MTCL1: variants seen among roughly 807,000 people sequenced by gnomAD.
MTCL1 encodes the protein microtubule cross-linking factor 1.
In MTCL1, 79 loss-of-function variants were observed where a neutral mutation model predicts 141.4. The observed-to-expected ratio is 0.56, with a 90% confidence interval of 0.47 to 0.67. MTCL1 has a LOEUF of 0.67. Among genes scored for constraint, MTCL1 ranks in the 30% least tolerant of loss-of-function variants. MTCL1 has a pLI of 0.00. For missense variants in MTCL1, 2,177 were observed against 2,113.9 expected (o/e 1.03, Z -0.59); for synonymous variants, 914 against 875.8 (o/e 1.04, Z -0.77).
intron 4 of MTCL1, among the ~76,000 whole-genome samples, chr18:8,745,961 T>C (rs77048243): frequency 0.068 from 10,372 of 152,246 alleles, 640 homozygotes; most frequent in East Asian, 0.17. Flanking sequence ...CTATTCTGTG[T>C]ACCTCATATA....
At chr18:8,739,452 A>T (rs577743878) in intron 4 of MTCL1, among the ~76,000 whole-genome samples, 1 of 152,166 alleles carries the variant, frequency 6.6e-6, no homozygotes, top group Non-Finnish European at 1.5e-5. Flanking sequence ...GTTCCTGTGC[A>T]TATCTGCAGT....
intron 4 of MTCL1, among the ~76,000 whole-genome samples, chr18:8,726,494 A>AGC (rs1158741379): frequency 0.023 from 2,919 of 128,348 alleles, 44 homozygotes; most frequent in Non-Finnish European, 0.032. Flanking sequence ...AGAGAGAGAG[A>AGC]GCGCGCGCGC....
At chr18:8,706,832 C>T (rs1238975297) in intron 1 of MTCL1, 119 bp downstream of exon 1, 2 of 1,444,816 alleles carry the variant, frequency 1.4e-6, no homozygotes, top group East Asian at 2.7e-5. Context: ...CTGCTCTCCA[C>T]GGTCCTACCC....
Position 8,780,571 on chromosome 18 carries a change from A to G in MTCL1, c.417+2679A>G, listed in dbSNP as rs150864203. On this transcript the variant is annotated intron_variant, in intron 5 of 16. Transcript: ENST00000359865. ...TCATTTAGATGATTTTTGACAATGG[A>G]CAGACACTGGCTCTCAAGTTAACAA... 4.2e-3 allele frequency among the ~76,000 whole-genome samples: 643 copies of G among 152,332 alleles called. 5 individuals are homozygous for G. Among genetic ancestry groups the G allele is most frequent in the African/African-American group, 0.015 (614 of 41,570 alleles).
chr18:8,786,877 C>T, intron 7 of MTCL1: 1 of 157,644 alleles, frequency 6.3e-6, no homozygotes, highest in South Asian at 1.9e-4. Context: ...AGTCAGGGGC[C>T]CAGTTTTCCC....
intron 4 of MTCL1, among the ~76,000 whole-genome samples, chr18:8,746,281 C>T (rs1260126027): frequency 6.6e-6 from 1 of 152,162 alleles, no homozygotes; most frequent in Non-Finnish European, 1.5e-5. Context: ...CAGATGATAC[C>T]TCTACTTTGA....
chr18:8,746,891 G>A (rs1478444916), intron 4 of MTCL1, among the ~76,000 whole-genome samples: 2 of 152,188 alleles, frequency 1.3e-5, no homozygotes, highest in East Asian at 1.9e-4. Flanking sequence ...AGGAGTGGGG[G>A]CAGTTCTATT....
chr18:8,737,148 A>G (rs1201971863), intron 4 of MTCL1, among the ~76,000 whole-genome samples: 1 of 152,174 alleles, frequency 6.6e-6, no homozygotes, highest in Non-Finnish European at 1.5e-5. Flanking sequence ...TCTACTGTGC[A>G]GTAAAGTTCT....
Position 8,810,763 on chromosome 18 carries a change from A to C in MTCL1, c.2605-2216A>C, listed in dbSNP as rs941043340. Among the ~76,000 whole-genome samples the C allele has an allele frequency of 2.0e-5, 3 of 152,184 alleles. No individual in the cohort carries two copies. Among genetic ancestry groups the C allele is most frequent in the African/African-American group, 7.2e-5 (3 of 41,434 alleles). ...TTTTGTTTCTGCATTCTTTCTACTT[A>C]GAAAAAGTTTTATTTTCCCCAGATT... On this transcript the variant is annotated intron_variant, in intron 11 of 16. Transcript: ENST00000359865. The surrounding 1 kb of genome is among the most constrained non-coding windows in gnomAD (Gnocchi z 5.0).
chr18:8,720,410 G>A, exon 4 of MTCL1: 1 of 1,614,108 alleles, frequency 6.2e-7, no homozygotes, highest in Non-Finnish European at 8.5e-7. Flanking sequence ...TAAAGCTGAG[G>A]ATGAAAACGA....
chr18:8,791,122 C>G (rs548352222), intron 7 of MTCL1, among the ~76,000 whole-genome samples: 120 of 152,276 alleles, frequency 7.9e-4, no homozygotes, highest in African/African-American at 2.8e-3. Context: ...CCTTGGGTTT[C>G]AGCAGCTCCA....
rs191545097 is a variant in MTCL1 at position 8,720,525 on chromosome 18, C to T, written c.357+29C>T. On this transcript the variant is annotated intron_variant, in intron 4 of 16. Transcript: ENST00000359865. ...ATCCAAAACTGTGGGGGTCCTGCCC[C>T]CTTGGATTTAATAAGGAGGAGCTTG... 3.2e-5 allele frequency: 51 copies of T among 1,599,546 alleles called. 1 individual carries two copies. In the African/African-American group the frequency reaches 6.2e-4, roughly 19 times the overall value.
chr18:8,792,078 G>A (rs1381711125), intron 7 of MTCL1, among the ~76,000 whole-genome samples: 2 of 152,214 alleles, frequency 1.3e-5, no homozygotes, highest in Non-Finnish European at 2.9e-5. Context: ...AGAAGTAGTA[G>A]ATAAGTTAAA....
In MTCL1 at chr18:8,822,465, TC is replaced by T. The variant is rs2076877688; in HGVS notation, c.3188+968del. ...CCCCACCATACCCGGCTAATTTTTG[TC>T]TTTTAATAGAAACAGAGTTTCGCCA... On this transcript the variant is annotated intron_variant, in intron 14 of 16. Coordinates refer to ENST00000359865, the Ensembl canonical transcript of MTCL1. The surrounding 1 kb of genome is among the most constrained non-coding windows in gnomAD (Gnocchi z 4.6). Among the ~76,000 whole-genome samples the T allele has an allele frequency of 6.6e-6, 1 of 152,162 alleles. No homozygotes were observed. Among genetic ancestry groups the T allele is most frequent in the African/African-American group, 2.4e-5 (1 of 41,444 alleles).
At chr18:8,767,589 G>A (rs1320909509) in intron 4 of MTCL1, among the ~76,000 whole-genome samples, 3 of 152,168 alleles carry the variant, frequency 2.0e-5, no homozygotes, top group African/African-American at 7.2e-5. Context: ...GGTTAATCCT[G>A]CAGTTTAATC....
At chr18:8,756,403 ATG>A (rs1336440650) in intron 4 of MTCL1, among the ~76,000 whole-genome samples, 10 of 149,364 alleles carry the variant, frequency 6.7e-5, no homozygotes, top group African/African-American at 2.2e-4. Context: ...ATATGTATAT[ATG>A]TGTGTATATG....
chr18:8,740,209 C>G (rs769020216), intron 4 of MTCL1, among the ~76,000 whole-genome samples: 6 of 152,202 alleles, frequency 3.9e-5, no homozygotes, highest in Non-Finnish European at 8.8e-5. Flanking sequence ...GTATATTGCT[C>G]TTTTTACTCA....
chr18:8,819,118 C>G, exon 13 of MTCL1: 1 of 1,614,262 alleles, frequency 6.2e-7, no homozygotes, highest in South Asian at 1.1e-5. Context: ...CGTTTGAAGA[C>G]CGGCCGCTGT....
At chr18:8,781,179 CAAAAAAAAAAA>C (rs56370900) in intron 5 of MTCL1, among the ~76,000 whole-genome samples, 1,972 of 67,496 alleles carry the variant, frequency 0.029, 59 homozygotes, top group African/African-American at 0.1. Flanking sequence ...GACTCCATCT[CAAAAAAAAAAA>C]AAAAAAAAAA....
Sources: gnomAD v4.1 joint callset for allele counts (sites outside exome capture counted in the v4.1 genomes callset) on GRCh38, gnomAD v4.1.1 for gene constraint, Gnocchi (gnomAD v3.1) non-coding constraint, MANE v1.5 for transcripts, NCBI Gene and HGNC (gene_info 2026-07-23, HGNC 2026-07-21) for gene names.